SAMTOR: variants seen among roughly 807,000 people sequenced by gnomAD.
SAMTOR encodes UPF0532 protein C7orf60.
chr7:112,857,206 C>A, the SAMTOR span, among the ~76,000 whole-genome samples: 1 of 150,364 alleles, frequency 6.7e-6, no homozygotes, highest in East Asian at 1.9e-4. Flanking sequence ...ATTCTCCTGC[C>A]TCAGCCTCCC....
At chr7:112,853,677 A>G in the SAMTOR span, among the ~76,000 whole-genome samples, 1 of 152,174 alleles carries the variant, frequency 6.6e-6, no homozygotes, top group African/African-American at 2.4e-5. Flanking sequence ...CTACAGAGCC[A>G]GAGGCATTCT....
the SAMTOR span, chr7:112,820,711 T>A: frequency 2.0e-5 from 3 of 152,064 alleles, no homozygotes; most frequent in African/African-American, 7.2e-5. Flanking sequence ...AATTTTCTGA[T>A]AAAGTTTAGA....
the SAMTOR span, among the ~76,000 whole-genome samples, chr7:112,879,461 A>G: frequency 1.3e-5 from 2 of 152,112 alleles, no homozygotes; most frequent in African/African-American, 2.4e-5. Flanking sequence ...AGGATTTTTA[A>G]AAGAAGATAA....
At chr7:112,922,892 C>T in the SAMTOR span, among the ~76,000 whole-genome samples, 9 of 130,216 alleles carry the variant, frequency 6.9e-5, no homozygotes, top group Admixed American at 1.5e-4. Flanking sequence ...GGGGTCAGCC[C>T]CCCCCCCCCG....
the SAMTOR span, among the ~76,000 whole-genome samples, chr7:112,898,276 T>C: frequency 6.6e-6 from 1 of 152,324 alleles, no homozygotes; most frequent in East Asian, 1.9e-4. Flanking sequence ...AGTGCTGTGC[T>C]GGTCTCAGCA....
chr7:112,886,558 G>T, the SAMTOR span, among the ~76,000 whole-genome samples: 1 of 152,144 alleles, frequency 6.6e-6, no homozygotes, highest in Non-Finnish European at 1.5e-5. Flanking sequence ...TATAAAGCAA[G>T]ATTCTTTCTA....
At chr7:112,918,234 C>T in the SAMTOR span, among the ~76,000 whole-genome samples, 5 of 152,226 alleles carry the variant, frequency 3.3e-5, no homozygotes, top group Non-Finnish European at 5.9e-5. Context: ...GCCCATCAGA[C>T]TAACAGCGGA....
At chr7:112,860,754 A>G in the SAMTOR span, among the ~76,000 whole-genome samples, 9 of 151,880 alleles carry the variant, frequency 5.9e-5, no homozygotes, top group African/African-American at 1.7e-4. Flanking sequence ...CTAAAAAAAT[A>G]CAAAAAAATT....
chr7:112,842,759 G>A, the SAMTOR span, among the ~76,000 whole-genome samples: 1 of 152,026 alleles, frequency 6.6e-6, no homozygotes, highest in Admixed American at 6.6e-5. Context: ...ACATGAATAT[G>A]TTAAGTATGC....
chr7:112,851,828 A>G, the SAMTOR span, among the ~76,000 whole-genome samples: 2 of 152,250 alleles, frequency 1.3e-5, no homozygotes, highest in Middle Eastern at 3.4e-3. Flanking sequence ...ATCCCATTTA[A>G]AAAGTGGGCA....
the SAMTOR span, among the ~76,000 whole-genome samples, chr7:112,932,200 C>T: frequency 6.6e-6 from 1 of 152,152 alleles, no homozygotes; most frequent in Non-Finnish European, 1.5e-5. Flanking sequence ...GCTGGGATTA[C>T]AGGCATGAGC....
At chr7:112,870,765 A>C in the SAMTOR span, among the ~76,000 whole-genome samples, 19 of 150,798 alleles carry the variant, frequency 1.3e-4, no homozygotes, top group East Asian at 2.3e-3. Context: ...AAAAAAAAAA[A>C]CCCACCCATC....
At chr7:112,924,468 C>T in the SAMTOR span, among the ~76,000 whole-genome samples, 1 of 152,060 alleles carries the variant, frequency 6.6e-6, no homozygotes, top group Non-Finnish European at 1.5e-5. Context: ...CTAATTTGAT[C>T]AAGAAAGAAG....
At chr7:112,908,681 G>A in the SAMTOR span, among the ~76,000 whole-genome samples, 1 of 152,100 alleles carries the variant, frequency 6.6e-6, no homozygotes, top group African/African-American at 2.4e-5. Context: ...ATGTACATAT[G>A]CATATGTACA....
the SAMTOR span, among the ~76,000 whole-genome samples, chr7:112,834,980 A>C: frequency 6.6e-6 from 1 of 152,158 alleles, no homozygotes; most frequent in East Asian, 1.9e-4. Context: ...CGTAATTTTT[A>C]TAGCATTTTG....
At chr7:112,902,416 C>CAAAAAAAAAAACAAAAA in the SAMTOR span, among the ~76,000 whole-genome samples, 1 of 12,320 alleles carries the variant, frequency 8.1e-5, no homozygotes, top group African/African-American at 3.1e-4. Context: ...AACTCCGTCT[C>CAAAAAAAAAAACAAAAA]AAAAAAAAAA....
the SAMTOR span, among the ~76,000 whole-genome samples, chr7:112,928,985 T>C: frequency 7.3e-5 from 11 of 151,560 alleles, no homozygotes; most frequent in Admixed American, 6.6e-4. Context: ...GTGAAAAAAA[T>C]GAATAGGTGG....
chr7:112,900,168 G>A, the SAMTOR span, among the ~76,000 whole-genome samples: 1 of 152,062 alleles, frequency 6.6e-6, no homozygotes, highest in African/African-American at 2.4e-5. Context: ...TTGTAATAAG[G>A]AATTGGCTTA....
At chr7:112,843,895 C>T in the SAMTOR span, among the ~76,000 whole-genome samples, 1 of 152,092 alleles carries the variant, frequency 6.6e-6, no homozygotes. Context: ...TACTTGCAAA[C>T]CAAATCCAGC....
Sources: allele counts gnomAD v4.1 joint callset (sites outside exome capture counted in the v4.1 genomes callset), GRCh38; gene constraint gnomAD v4.1.1; transcripts MANE v1.5; gene names NCBI Gene and HGNC (gene_info 2026-07-23, HGNC 2026-07-21).